The following PSTK variants were observed in gnomAD, a reference collection of about 807,000 sequenced individuals.
PSTK encodes phosphoseryl-tRNA kinase.
A neutral mutation model predicts 38.6 loss-of-function variants in PSTK; 26 were observed. That is an observed-to-expected ratio of 0.67 (90% CI 0.49 to 0.94). The LOEUF is 0.94. Among genes scored for constraint, PSTK ranks in the 40% least tolerant of loss-of-function variants. The probability of loss-of-function intolerance (pLI) is 0.00; values close to 1 mark genes in which losing one functional copy is unlikely to be tolerated. For missense variants in PSTK, 445 were observed against 436.3 expected (o/e 1.02, Z -0.18); for synonymous variants, 181 against 161.7 (o/e 1.12, Z -0.91).
rs377427549 is a variant in PSTK, at chr10:122,986,865, A to G, written c.784-4A>G. On this transcript the variant is annotated splice_region_variant and splice_polypyrimidine_tract_variant and intron_variant, in intron 4 of 5. Transcript: ENST00000406217. ...TTCTAATAACAATGTCTGTATTAAC[A>G]TAGGACACAGACAGAATTATTTGTT... 5 of 1,555,244 alleles carry G rather than the reference A, an allele frequency of 3.2e-6. No homozygotes were observed. Among genetic ancestry groups the G allele is most frequent in the Non-Finnish European group, 2.7e-6 (3 of 1,127,200 alleles).
Position 122,983,036 on chromosome 10 carries a change from T to C in PSTK, c.508+12T>C, listed in dbSNP as rs1382018265. On this transcript the variant is annotated intron_variant, in intron 2 of 5. Transcript: ENST00000406217. The stretch of plus-strand genomic sequence containing the variant: ...GCTGGCTCGGAAATGTAATTAAAAC[T>C]TTTTTTTTCTTACACATGGAGATAC... 2 of 1,575,322 alleles carry C rather than the reference T, an allele frequency of 1.3e-6. No homozygotes were observed. The highest frequency in any genetic ancestry group is 1.1e-5 in the South Asian group (1 of 87,116).
Position 122,990,251 on chromosome 10 carries a change from C to G in PSTK, c.955C>G (p.Leu319Val). The G allele has an allele frequency of 3.2e-6, 5 of 1,541,858 alleles. No homozygotes were observed. The highest frequency in any genetic ancestry group is 3.5e-6 in the Non-Finnish European group (4 of 1,144,294). The change falls in exon 6 of 6, where the codon CTA (leucine) becomes GTA (valine). Residue 319 changes from leucine to valine, a missense_variant. Transcript: ENST00000406217. ...GCTCAAAGCAGAGTTTTTGGAAGACCTAAAACAAGGAAACAAAAAATATCT... is the reference window on the plus strand; with the variant it reads ...GCTCAAAGCAGAGTTTTTGGAAGACGTAAAACAAGGAAACAAAAAATATCT... ...NKLKAEFLED[L>V]KQGNKKYLCF... is the part of the protein sequence containing the mutation.
chr10:122,982,748 T>G lies in PSTK; in HGVS notation c.232T>G (p.Leu78Val). The part of the protein sequence containing the change: ...RARPAPSQWK[L>V]LRQELLKYLE... The stretch of plus-strand genomic sequence containing the variant: ...TCTCTTGTAGCCATCCCAATGGAAA[T>G]TGCTTCGACAGGAACTGTTGAAGTA... The change falls in exon 2 of 6, where the codon TTG becomes GTG. Residue 78 changes from leucine to valine, a missense_variant. Coordinates refer to ENST00000406217, the MANE Select transcript of PSTK (RefSeq NM_001363531.2). The G allele has an allele frequency of 6.2e-7, 1 of 1,614,112 alleles. No individual in the cohort carries two copies. The highest frequency in any genetic ancestry group is 8.5e-7 in the Non-Finnish European group (1 of 1,179,980).
At chr10:122,988,372 C>G (rs1849063112) in intron 5 of PSTK, among the ~76,000 whole-genome samples, 1 of 151,738 alleles carries the variant, frequency 6.6e-6, no homozygotes, top group Non-Finnish European at 1.5e-5. Flanking sequence ...TAAAAACATA[C>G]AGATAGAGAG....
chr10:122,986,325 A>G lies in PSTK; in HGVS notation c.733A>G (p.Thr245Ala). The G allele has an allele frequency of 6.2e-7, 1 of 1,611,108 alleles. No individual in the cohort carries two copies. Among genetic ancestry groups the G allele is most frequent in the Non-Finnish European group, 8.5e-7 (1 of 1,177,892 alleles). ...ASLEVTDLLLTALENPVKYAE... is the reference protein window; with the variant it reads ...ASLEVTDLLLAALENPVKYAE... ...CCTGGAAGTGACTGATTTATTGCTC[A>G]CTGCTTTGGAAAATCCAGTAAAATA... The change falls in exon 4 of 6, where the codon ACT becomes GCT. Residue 245 changes from threonine to alanine, a missense_variant. Coordinates refer to ENST00000406217, the MANE Select transcript of PSTK (RefSeq NM_001363531.2).
At chr10:122,986,530 G>A (rs1490276410) in intron 4 of PSTK, 155 bp downstream of exon 4, 1 of 642,770 alleles carries the variant, frequency 1.6e-6, no homozygotes, top group African/African-American at 1.8e-5. Flanking sequence ...CATGCCGGCT[G>A]GGCAAAGCCG....
chr10:122,987,637 C>T, intron 5 of PSTK: 1 of 1,332,434 alleles, frequency 7.5e-7, no homozygotes. Flanking sequence ...CACAGTAATT[C>T]CATTAGGTTT....
chr10:122,980,457 CT>C lies in PSTK; in HGVS notation c.-22del. The C allele has an allele frequency of 1.3e-6, 2 of 1,569,748 alleles. No homozygotes were observed. The highest frequency in any genetic ancestry group is 2.7e-5 in the African/African-American group (2 of 72,962). On this transcript the variant is annotated 5_prime_UTR_variant, in exon 1 of 6. Transcript: ENST00000406217. The surrounding 1 kb of genome is among the most constrained non-coding windows in gnomAD (Gnocchi z 4.3). ...GTAGAGCGGAGACGACGCTCCCAGA[CT>C]CCTCCGGTCTCCCCGGGCAGCATGA...
At chr10:122,986,459 G>A in intron 4 of PSTK, 84 bp downstream of exon 4, 1 of 990,612 alleles carries the variant, frequency 1.0e-6, no homozygotes. Flanking sequence ...TAAAATGTGA[G>A]TGAAACGGGA....
In PSTK at chr10:122,980,762, ACT is replaced by A; in HGVS notation, c.216+69_216+70del. Reference sequence around the variant, plus strand: ...GGGCGGGGCGGGGCGGGGCGGGGACACTCGCGTCCACGCGGTCCTGGGTGATT... The same window carrying A: ...GGGCGGGGCGGGGCGGGGCGGGGACACGCGTCCACGCGGTCCTGGGTGATT... On this transcript the variant is annotated intron_variant, in intron 1 of 5. Transcript: ENST00000406217. The surrounding 1 kb of genome is among the most constrained non-coding windows in gnomAD (Gnocchi z 4.3). 9.0e-7 allele frequency: 1 copy of A among 1,107,538 alleles called. No individual in the cohort carries two copies. Among genetic ancestry groups the A allele is most frequent in the Non-Finnish European group, 1.1e-6 (1 of 875,830 alleles). 68.6% of individuals were successfully genotyped at this position (1,107,538 alleles called of 1,614,324 possible).
Position 122,980,521 on chromosome 10 carries a change from G to A in PSTK, c.42G>A (p.Gly14=). Residue 14 remains glycine (G), a synonymous_variant, in exon 1 of 6, where the codon GGG becomes GGA. Transcript: ENST00000406217. The surrounding 1 kb of genome is among the most constrained non-coding windows in gnomAD (Gnocchi z 4.3). ...AENIRGTGSD[G]PRKRGLCVLC... is the part of the protein sequence containing the mutation. ...ACATCAGAGGAACCGGCAGCGACGG[G>A]CCGCGGAAACGAGGCCTCTGCGTCC... The A allele has an allele frequency of 6.2e-7, 1 of 1,609,122 alleles. No homozygotes were observed. Among genetic ancestry groups the A allele is most frequent in the Non-Finnish European group, 8.5e-7 (1 of 1,179,242 alleles).
At position 122,980,446 on chromosome 10, in the gene PSTK, A is replaced by G. The variant is rs1848938146; in HGVS notation, c.-34A>G. The G allele has an allele frequency of 6.5e-7, 1 of 1,543,420 alleles. No homozygotes were observed. The highest frequency in any genetic ancestry group is 1.4e-5 in the African/African-American group (1 of 71,862). On this transcript the variant is annotated 5_prime_UTR_variant, in exon 1 of 6. Coordinates refer to ENST00000406217, the MANE Select transcript of PSTK (RefSeq NM_001363531.2). The surrounding 1 kb of genome is among the most constrained non-coding windows in gnomAD (Gnocchi z 4.3). Reference sequence around the variant, plus strand: ...CAGGGCAGACGGTAGAGCGGAGACGACGCTCCCAGACTCCTCCGGTCTCCC... The same window carrying G: ...CAGGGCAGACGGTAGAGCGGAGACGGCGCTCCCAGACTCCTCCGGTCTCCC...
Position 122,983,368 on chromosome 10 carries a change from T to C in PSTK, c.605T>C (p.Ile202Thr), listed in dbSNP as rs1848992829. ...CCACAGGCACTGCCTCCTGAGACCA[T>C]CCACCTGATGGGAAGAAAGCTAGAA... ...QRPQALPPETIHLMGRKLEKP... is the reference protein window; with the variant it reads ...QRPQALPPETTHLMGRKLEKP... The change falls in exon 3 of 6, where the codon ATC becomes ACC. Residue 202 changes from isoleucine to threonine, a missense_variant. Physicochemically the swap from Ile to Thr is moderately conservative, Grantham distance 89. Transcript: ENST00000406217. 1 of 1,614,042 alleles carries C rather than the reference T, an allele frequency of 6.2e-7. No homozygotes were observed. The highest frequency in any genetic ancestry group is 8.5e-7 in the Non-Finnish European group (1 of 1,179,988).
At chr10:122,987,524 A>G (rs1192290797) in intron 5 of PSTK, 3 of 1,611,292 alleles carry the variant, frequency 1.9e-6, no homozygotes, top group East Asian at 2.2e-5. Context: ...GGGGAAAGGT[A>G]GTCAGGGGCC....
At position 122,980,543 on chromosome 10, in the gene PSTK, G is replaced by A. The variant is rs751022563; in HGVS notation, c.64G>A (p.Val22Ile). ...SDGPRKRGLC[V>I]LCGLPAAGKS... Reference sequence around the variant, plus strand: ...CGGGCCGCGGAAACGAGGCCTCTGCGTCCTCTGTGGCCTCCCCGCGGCAGG... The same window carrying A: ...CGGGCCGCGGAAACGAGGCCTCTGCATCCTCTGTGGCCTCCCCGCGGCAGG... The change falls in exon 1 of 6, where the codon GTC (valine) becomes ATC (isoleucine). Residue 22 changes from valine to isoleucine, a missense_variant. Coordinates refer to ENST00000406217, the MANE Select transcript of PSTK (RefSeq NM_001363531.2). This position sits in a 1 kb window ranked among gnomAD's most constrained non-coding sequence, Gnocchi z 4.3. The A allele has an allele frequency of 1.9e-6, 3 of 1,611,094 alleles. No homozygotes were observed. The highest frequency in any genetic ancestry group is 2.7e-5 in the African/African-American group (2 of 74,888).
At chr10:122,987,246 C>T (rs1366164185) in intron 5 of PSTK, 1 of 1,485,784 alleles carries the variant, frequency 6.7e-7, no homozygotes, top group Non-Finnish European at 9.1e-7. Flanking sequence ...ACAGACAAAA[C>T]ATGATTACAT....
At position 122,986,292 on chromosome 10, in the gene PSTK, C is replaced by T. The variant is rs749464166; in HGVS notation, c.708-8C>T. Reference sequence around the variant, plus strand: ...GATCTATTGTATTTTATCCCATTTTCTCTGTAGCCTGGAAGTGACTGATTT... The same window carrying T: ...GATCTATTGTATTTTATCCCATTTTTTCTGTAGCCTGGAAGTGACTGATTT... On this transcript the variant is annotated splice_region_variant and splice_polypyrimidine_tract_variant and intron_variant, in intron 3 of 5. Transcript: ENST00000406217. 1.3e-6 allele frequency: 2 copies of T among 1,524,342 alleles called. No individual in the cohort carries two copies. The highest frequency in any genetic ancestry group is 1.9e-5 in the Admixed American group (1 of 52,214). 94.4% of individuals were successfully genotyped at this position (1,524,342 alleles called of 1,614,324 possible). A position where few individuals can be genotyped will look rare whatever the true frequency, so the allele number is the denominator to read the frequency against.
chr10:122,987,373 G>C, intron 5 of PSTK: 1 of 1,614,176 alleles, frequency 6.2e-7, no homozygotes, highest in Non-Finnish European at 8.5e-7. Flanking sequence ...TTTAAGCAAA[G>C]ATGGGTAAGA....
intron 3 of PSTK, 196 bp from the exon 4 acceptor site, chr10:122,986,104 C>T: frequency 3.1e-6 from 1 of 322,476 alleles, no homozygotes; most frequent in Non-Finnish European, 5.6e-6. Context: ...GCCTGTAGTC[C>T]CAGCTACTCG....
Sources: gnomAD v4.1 joint callset for allele counts (sites outside exome capture counted in the v4.1 genomes callset) on GRCh38, gnomAD v4.1.1 for gene constraint, Gnocchi (gnomAD v3.1) non-coding constraint, MANE v1.5 for transcripts, NCBI Gene and HGNC (gene_info 2026-07-23, HGNC 2026-07-21) for gene names.